The following XPR1 variants were observed in gnomAD, a reference collection of about 807,000 sequenced individuals.
The protein encoded by XPR1 is solute carrier family 53 member 1.
XPR1 carries 28 observed loss-of-function variants against 87.5 expected under a neutral mutation model. That is an observed-to-expected ratio of 0.32 (90% confidence interval 0.24 to 0.44). The LOEUF is 0.44. XPR1 is among the 20% of genes least tolerant of loss of function. The pLI, the probability that XPR1 is intolerant of heterozygous loss-of-function variation, is 1.00. For missense variants in XPR1, 559 were observed against 862.3 expected, an observed-to-expected ratio of 0.65 and a Z score of 4.41; for synonymous variants, 300 against 306.1, an observed-to-expected ratio of 0.98 and a Z score of 0.21.
At chr1:180,799,908 A>G (rs575111338) in intron 3 of XPR1, among the ~76,000 whole-genome samples, 4 of 152,350 alleles carry the variant, frequency 2.6e-5, no homozygotes, top group South Asian at 2.1e-4. Flanking sequence ...TTATTCACCA[A>G]GATTCATCCA....
intron 1 of XPR1, among the ~76,000 whole-genome samples, chr1:180,649,975 T>A (rs868327714): frequency 6.6e-6 from 1 of 152,152 alleles, no homozygotes; most frequent in Non-Finnish European, 1.5e-5. Context: ...GCTAGAATGG[T>A]TTGCTTCCTG....
intron 2 of XPR1, among the ~76,000 whole-genome samples, chr1:180,699,480 T>G (rs1571739558): frequency 1.1e-5 from 1 of 88,658 alleles, no homozygotes; most frequent in Admixed American, 1.2e-4. Context: ...TTTTTTGTTC[T>G]TGCGATAGTT....
At chr1:180,746,015 G>A (rs1659076531) in intron 2 of XPR1, among the ~76,000 whole-genome samples, 1 of 152,218 alleles carries the variant, frequency 6.6e-6, no homozygotes, top group Admixed American at 6.5e-5. Flanking sequence ...TCTCACAGAG[G>A]TAAAACCAAG....
At chr1:180,660,534 G>A (rs1015119741) in intron 1 of XPR1, among the ~76,000 whole-genome samples, 1 of 151,898 alleles carries the variant, frequency 6.6e-6, no homozygotes, top group African/African-American at 2.4e-5. Flanking sequence ...ATAGGTTTTG[G>A]TATGTTGTGT....
intron 2 of XPR1, among the ~76,000 whole-genome samples, chr1:180,703,731 A>G (rs1196767050): frequency 6.6e-6 from 1 of 152,226 alleles, no homozygotes; most frequent in Non-Finnish European, 1.5e-5. Context: ...GTGATTGATT[A>G]GTAGGTCTCT....
rs763322203 is a variant in XPR1 at position 180,885,425 on chromosome 1, T to G, written c.*1359T>G. ...CATGAAAAGTACACTGCTTAGAAAT[T>G]ATAGACTATTATGATCTGTCCACAG... On this transcript the variant is annotated 3_prime_UTR_variant, in exon 15 of 15. Transcript: ENST00000367590. 3 of 152,296 alleles carry G rather than the reference T, an allele frequency of 2.0e-5. No individual in the cohort carries two copies. The highest frequency in any genetic ancestry group is 4.4e-5 in the Non-Finnish European group (3 of 68,044). The allele number at this position is 152,296 out of a possible 1,614,324, so 9.4% of individuals were successfully genotyped here. A position where few individuals can be genotyped will look rare whatever the true frequency, so the allele number is the denominator to read the frequency against.
chr1:180,866,085 G>T (rs564765245), intron 12 of XPR1, among the ~76,000 whole-genome samples: 1 of 152,028 alleles, frequency 6.6e-6, no homozygotes, highest in Non-Finnish European at 1.5e-5. Flanking sequence ...GGTGGCACAC[G>T]CCTGTAGCCC....
intron 2 of XPR1, among the ~76,000 whole-genome samples, chr1:180,730,753 T>C (rs1189404549): frequency 6.6e-6 from 1 of 152,128 alleles, no homozygotes; most frequent in Non-Finnish European, 1.5e-5. Flanking sequence ...AGCCTTGACA[T>C]CCATGCTCAA....
chr1:180,795,268 G>A (rs928612241), intron 3 of XPR1, among the ~76,000 whole-genome samples: 4 of 152,124 alleles, frequency 2.6e-5, no homozygotes, highest in Admixed American at 6.5e-5. Context: ...GTAAAAGAAC[G>A]ATGAATTTGG....
chr1:180,727,352 C>T (rs1658389589), intron 2 of XPR1, among the ~76,000 whole-genome samples: 1 of 151,954 alleles, frequency 6.6e-6, no homozygotes, highest in African/African-American at 2.4e-5. Context: ...AAAGTGAAAG[C>T]AAGTTTATTA....
chr1:180,778,507 G>T (rs3013636), intron 2 of XPR1, among the ~76,000 whole-genome samples: 151,618 of 152,312 alleles, frequency 1, 75,473 homozygotes, highest in Middle Eastern at 1. Flanking sequence ...GACCGGATAA[G>T]TCTGTGTTTG....
intron 3 of XPR1, among the ~76,000 whole-genome samples, chr1:180,802,067 A>ATTACAAG (rs1477887995): frequency 6.6e-6 from 1 of 151,678 alleles, no homozygotes; most frequent in Admixed American, 6.6e-5. Context: ...AAGTGCTGGG[A>ATTACAAG]TTACAAGCAT....
At position 180,835,172 on chromosome 1, in the gene XPR1, T is replaced by C. The variant is rs151082496; in HGVS notation, c.1306+127T>C. On this transcript the variant is annotated intron_variant, in intron 10 of 14. Transcript: ENST00000367590. ...CAATAATATTATAAACTTAATTTAATGTACTTGGCATTCTGTTAGCAGTCT... is the reference window on the plus strand; with the variant it reads ...CAATAATATTATAAACTTAATTTAACGTACTTGGCATTCTGTTAGCAGTCT... The C allele has an allele frequency of 3.6e-4, 381 of 1,051,800 alleles. 1 individual carries two copies. The African/African-American group carries it at 4.7e-3, about 13-fold the overall frequency. 65.2% of individuals were successfully genotyped at this position (1,051,800 alleles called of 1,614,324 possible).
intron 1 of XPR1, among the ~76,000 whole-genome samples, chr1:180,646,043 A>G (rs963033696): frequency 3.3e-5 from 5 of 152,244 alleles, no homozygotes; most frequent in African/African-American, 1.2e-4. Flanking sequence ...AACATGTAAC[A>G]CAAAAACAAG....
intron 11 of XPR1, among the ~76,000 whole-genome samples, chr1:180,844,970 A>T (rs1357925436): frequency 1.3e-5 from 2 of 152,200 alleles, no homozygotes; most frequent in Non-Finnish European, 2.9e-5. Context: ...GGAAACAGGG[A>T]TGGGCTGAAA....
In XPR1 at chr1:180,877,055, T is replaced by A. The variant is rs552702530; in HGVS notation, c.1809-3021T>A. 2.6e-5 allele frequency among the ~76,000 whole-genome samples: 4 copies of A among 152,286 alleles called. 1 individual carries two copies. In the South Asian group the frequency reaches 8.3e-4, roughly 32 times the overall value. The stretch of plus-strand genomic sequence containing the variant: ...ATAAATCAGTCATTTTTAAAAACAG[T>A]CATAACAACTAGAAAAAGAACATTT... On this transcript the variant is annotated intron_variant, in intron 13 of 14. Coordinates refer to ENST00000367590, the MANE Select transcript of XPR1 (RefSeq NM_004736.4).
chr1:180,702,900 A>C (rs1303805558), intron 2 of XPR1, among the ~76,000 whole-genome samples: 1 of 152,032 alleles, frequency 6.6e-6, no homozygotes, highest in Non-Finnish European at 1.5e-5. Flanking sequence ...CTCTGATTTA[A>C]CAGTCACTTC....
chr1:180,881,365 A>G (rs1312676630), intron 14 of XPR1, among the ~76,000 whole-genome samples: 1 of 152,086 alleles, frequency 6.6e-6, no homozygotes, highest in Non-Finnish European at 1.5e-5. Flanking sequence ...GGGTTTCACC[A>G]TGTTAGCCAG....
At chr1:180,646,665 A>G (rs1655130386) in intron 1 of XPR1, among the ~76,000 whole-genome samples, 1 of 152,116 alleles carries the variant, frequency 6.6e-6, no homozygotes, top group South Asian at 2.1e-4. Context: ...TATTCAAAGA[A>G]GCTCTCTGCT....
Sources: allele counts gnomAD v4.1 joint callset (sites outside exome capture counted in the v4.1 genomes callset), GRCh38; gene constraint gnomAD v4.1.1; transcripts MANE v1.5; gene names NCBI Gene and HGNC (gene_info 2026-07-23, HGNC 2026-07-21).